GNAI2: variants seen among roughly 807,000 people sequenced by gnomAD.
GNAI2 encodes guanine nucleotide-binding protein G(i) subunit alpha-2.
In GNAI2, 4 loss-of-function variants were observed where a neutral mutation model predicts 36.8. That is an observed-to-expected ratio of 0.11 (90% CI 0.05 to 0.25). GNAI2 has a LOEUF of 0.25. Ranked by LOEUF, GNAI2 falls within the 10% of genes least tolerant of loss-of-function variation. The pLI is 1.00. For missense variants in GNAI2, 230 were observed against 481.3 expected, an observed-to-expected ratio of 0.48 and a Z score of 4.89; for synonymous variants, 194 against 194.1, an observed-to-expected ratio of 1.00 and a Z score of 0.01.
At position 50,241,395 on chromosome 3, in the gene GNAI2, G is replaced by T. The variant is rs1296144262; in HGVS notation, c.118+4942G>T. Reference sequence around the variant, plus strand: ...GGATAGAGCTCCCACACTAAGGAGTGAACAGGGGTCCAAGCTATAGCTGAC... The same window carrying T: ...GGATAGAGCTCCCACACTAAGGAGTTAACAGGGGTCCAAGCTATAGCTGAC... On this transcript the variant is annotated intron_variant, in intron 1 of 8. Transcript: ENST00000313601. This position sits in a 1 kb window ranked among gnomAD's most constrained non-coding sequence, Gnocchi z 5.0. Among the ~76,000 whole-genome samples, 1 of 152,208 alleles carries T rather than the reference G, an allele frequency of 6.6e-6. No individual in the cohort carries two copies. Among genetic ancestry groups the T allele is most frequent in the Non-Finnish European group, 1.5e-5 (1 of 68,028 alleles).
Position 50,252,292 on chromosome 3 carries a change from C to A in GNAI2, c.162-105C>A. On this transcript the variant is annotated intron_variant, in intron 2 of 8. Coordinates refer to ENST00000313601, the MANE Select transcript of GNAI2 (RefSeq NM_002070.4). The surrounding 1 kb of genome is among the most constrained non-coding windows in gnomAD (Gnocchi z 4.1). Reference sequence around the variant, plus strand: ...GAAGGACCCTCAGGTCCCAGTGGGTCAGGGGCAGTTTTCCCTTCTCTGAAG... The same window carrying A: ...GAAGGACCCTCAGGTCCCAGTGGGTAAGGGGCAGTTTTCCCTTCTCTGAAG... 1 of 1,422,478 alleles carries A rather than the reference C, an allele frequency of 7.0e-7. No homozygotes were observed. Among genetic ancestry groups the A allele is most frequent in the Non-Finnish European group, 9.9e-7 (1 of 1,013,924 alleles). 88.1% of individuals were successfully genotyped at this position (1,422,478 alleles called of 1,614,324 possible). A position where few individuals can be genotyped will look rare whatever the true frequency, so the allele number is the denominator to read the frequency against.
Position 50,242,915 on chromosome 3 carries a change from G to A in GNAI2, c.118+6462G>A, listed in dbSNP as rs988123005. 3.9e-5 allele frequency among the ~76,000 whole-genome samples: 6 copies of A among 152,336 alleles called. No homozygotes were observed. Among genetic ancestry groups the A allele is most frequent in the Admixed American group, 2.6e-4 (4 of 15,296 alleles). The stretch of plus-strand genomic sequence containing the variant: ...GGCAGCACCTACTGTGTGTGCCCCC[G>A]GCGGGAGGAGGAGGTAATGAAGTCT... On this transcript the variant is annotated intron_variant, in intron 1 of 8. Coordinates refer to ENST00000313601, the MANE Select transcript of GNAI2 (RefSeq NM_002070.4). The surrounding 1 kb of genome is among the most constrained non-coding windows in gnomAD (Gnocchi z 4.8).
At chr3:50,232,672 C>T (rs1042305129), upstream of GNAI2, among the ~76,000 whole-genome samples, 1 of 152,120 alleles carries the variant, frequency 6.6e-6, no homozygotes, top group Non-Finnish European at 1.5e-5. Flanking sequence ...AGAAAGTTTC[C>T]GAGCAAGGGG....
intron 1 of GNAI2, among the ~76,000 whole-genome samples, chr3:50,240,455 C>T (rs1700274927): frequency 6.6e-6 from 1 of 152,190 alleles, no homozygotes; most frequent in Non-Finnish European, 1.5e-5. Context: ...ATGGGGTCAT[C>T]CAGACCTGAG....
rs1341293364 is a variant in GNAI2 at position 50,258,839 on chromosome 3, C to G, written c.*496C>G. 2.3e-6 allele frequency: 1 copy of G among 426,684 alleles called. No individual in the cohort carries two copies. Among genetic ancestry groups the G allele is most frequent in the African/African-American group, 2.1e-5 (1 of 47,664 alleles). 26.4% of individuals were successfully genotyped at this position (426,684 alleles called of 1,614,324 possible). A position where few individuals can be genotyped will look rare whatever the true frequency, so the allele number is the denominator to read the frequency against. On this transcript the variant is annotated 3_prime_UTR_variant, in exon 9 of 9. Coordinates refer to ENST00000313601, the MANE Select transcript of GNAI2 (RefSeq NM_002070.4). Reference sequence around the variant, plus strand: ...ACAAGAAGCGTGAGACGCCACCATTCCTGGAAACCACAGTCCACCTGCTCA... The same window carrying G: ...ACAAGAAGCGTGAGACGCCACCATTGCTGGAAACCACAGTCCACCTGCTCA...
Position 50,252,367 on chromosome 3 carries a change from A to G in GNAI2, c.162-30A>G. 6.2e-7 allele frequency: 1 copy of G among 1,611,008 alleles called. No individual in the cohort carries two copies. Among genetic ancestry groups the G allele is most frequent in the South Asian group, 1.1e-5 (1 of 91,040 alleles). On this transcript the variant is annotated intron_variant, in intron 2 of 8. Transcript: ENST00000313601. The surrounding 1 kb of genome is among the most constrained non-coding windows in gnomAD (Gnocchi z 4.1). ...CGTGGGAACTCCCAGTGCCCAGGGG[A>G]CACTAACCTTCCTGGTCCCTGGCTA... is the stretch of plus-strand genomic sequence containing the variant.
upstream of GNAI2, among the ~76,000 whole-genome samples, chr3:50,232,809 C>A (rs1700092104): frequency 6.7e-6 from 1 of 149,926 alleles, no homozygotes; most frequent in South Asian, 2.1e-4. Flanking sequence ...AGAACAAATA[C>A]AGATTGGAGG....
chr3:50,231,019 G>C, intron 1 of GNAI2: 1 of 945,084 alleles, frequency 1.1e-6, no homozygotes, highest in Non-Finnish European at 1.3e-6. Context: ...TCAGCTCTCA[G>C]CCTTAATTTT....
intron 1 of GNAI2, among the ~76,000 whole-genome samples, chr3:50,239,208 G>A (rs1553700739): frequency 6.6e-6 from 1 of 152,208 alleles, no homozygotes; most frequent in Non-Finnish European, 1.5e-5. Context: ...ATGGGCCTGT[G>A]TGGACAGCTT....
chr3:50,253,124 A>C lies in GNAI2; in HGVS notation c.404A>C (p.His135Pro). ...SGVIRRLWAD[H>P]GVQACFGRSR... is the part of the protein sequence containing the mutation. Reference sequence around the variant, plus strand: ...GTCATCCGGAGGCTCTGGGCTGACCATGGTGTGCAGGCCTGCTTTGGCCGC... The same window carrying C: ...GTCATCCGGAGGCTCTGGGCTGACCCTGGTGTGCAGGCCTGCTTTGGCCGC... Residue 135 changes from histidine (H) to proline (P), a missense_variant, in exon 4 of 9, where the codon CAT (histidine) becomes CCT (proline). Transcript: ENST00000313601. This position sits in a 1 kb window ranked among gnomAD's most constrained non-coding sequence, Gnocchi z 4.2. 2 of 1,613,020 alleles carry C rather than the reference A, an allele frequency of 1.2e-6. No individual in the cohort carries two copies. Among genetic ancestry groups the C allele is most frequent in the Non-Finnish European group, 1.7e-6 (2 of 1,179,560 alleles).
chr3:50,256,034 C>A (rs1388526043), intron 4 of GNAI2, among the ~76,000 whole-genome samples, 158 bp from the exon 5 acceptor site: 2 of 115,726 alleles, frequency 1.7e-5, no homozygotes, highest in African/African-American at 6.7e-5. Flanking sequence ...AACAGAGTAA[C>A]ACTCTGTCTC....
chr3:50,257,420 C>A, intron 7 of GNAI2, 80 bp from the exon 8 acceptor site: 1 of 956,468 alleles, frequency 1.0e-6, no homozygotes, highest in Non-Finnish European at 1.6e-6. Context: ...GCCGTCCACA[C>A]GCACAGACCC....
At chr3:50,243,184 G>A (rs1347432385) in intron 1 of GNAI2, among the ~76,000 whole-genome samples, 1 of 152,258 alleles carries the variant, frequency 6.6e-6, no homozygotes, top group Non-Finnish European at 1.5e-5. Flanking sequence ...GGCGGTCACT[G>A]AGTTGGAGCC....
Position 50,241,235 on chromosome 3 carries a change from C to G in GNAI2, c.118+4782C>G, listed in dbSNP as rs960190861. Among the ~76,000 whole-genome samples, 1 of 152,216 alleles carries G rather than the reference C, an allele frequency of 6.6e-6. No individual in the cohort carries two copies. Among genetic ancestry groups the G allele is most frequent in the African/African-American group, 2.4e-5 (1 of 41,442 alleles). The stretch of plus-strand genomic sequence containing the variant: ...CCCAGGCTGGCCTCCAGCCCCTACA[C>G]TCTACCCCAGCCCTCTCCTTCACTG... On this transcript the variant is annotated intron_variant, in intron 1 of 8. Coordinates refer to ENST00000313601, the MANE Select transcript of GNAI2 (RefSeq NM_002070.4). The surrounding 1 kb of genome is among the most constrained non-coding windows in gnomAD (Gnocchi z 5.0).
chr3:50,257,567 A>C lies in GNAI2; in HGVS notation c.945A>C (p.Lys315Asn). The change falls in exon 8 of 9, where the codon AAA becomes AAC. Residue 315 changes from lysine (K) to asparagine (N), a missense_variant. Around this residue, in one of 4 missense-constraint regions of GNAI2, gnomAD observed 51 missense variants for 56.7 expected, o/e 0.90. Transcript: ENST00000313601. Reference sequence around the variant, plus strand: ...AGTTTGAGGACCTGAATAAGCGCAAAGACACCAAGGAGATCTACACGCACT... The same window carrying C: ...AGTTTGAGGACCTGAATAAGCGCAACGACACCAAGGAGATCTACACGCACT... ...QSKFEDLNKR[K>N]DTKEIYTHFT... The C allele has an allele frequency of 7.1e-7, 1 of 1,405,892 alleles. No homozygotes were observed. Among genetic ancestry groups the C allele is most frequent in the East Asian group, 2.7e-5 (1 of 36,808 alleles). The allele number at this position is 1,405,892 out of a possible 1,614,324, so 87.1% of individuals were successfully genotyped here.
Position 50,252,890 on chromosome 3 carries a change from A to C in GNAI2, c.304-134A>C. 1.4e-6 allele frequency: 1 copy of C among 710,250 alleles called. No homozygotes were observed. The highest frequency in any genetic ancestry group is 2.3e-6 in the Non-Finnish European group (1 of 427,098). The allele number at this position is 710,250 out of a possible 1,614,324, so 44.0% of individuals were successfully genotyped here. ...GAAAAAAGTAAACAACAACAACAAAAAGGTTTTAGGGCAAGTCTCATCCTA... is the reference window on the plus strand; with the variant it reads ...GAAAAAAGTAAACAACAACAACAAACAGGTTTTAGGGCAAGTCTCATCCTA... On this transcript the variant is annotated intron_variant, in intron 3 of 8. Coordinates refer to ENST00000313601, the MANE Select transcript of GNAI2 (RefSeq NM_002070.4). This position sits in a 1 kb window ranked among gnomAD's most constrained non-coding sequence, Gnocchi z 4.1.
upstream of GNAI2, among the ~76,000 whole-genome samples, chr3:50,231,722 C>G (rs1553699810): frequency 6.6e-6 from 1 of 152,158 alleles, no homozygotes; most frequent in East Asian, 1.9e-4. Flanking sequence ...AGAAGCCCAG[C>G]TCACAGCCAG....
rs1172959889 is a variant in GNAI2, at chr3:50,236,897, C to T, written c.118+444C>T. Among the ~76,000 whole-genome samples the T allele has an allele frequency of 6.6e-6, 1 of 152,174 alleles. No homozygotes were observed. Among genetic ancestry groups the T allele is most frequent in the Non-Finnish European group, 1.5e-5 (1 of 68,030 alleles). ...CATGAGCATCCCGCGGGGCCCCTGC[C>T]AGGCCCCCCACCCACTCCCTCCTTC... On this transcript the variant is annotated intron_variant, in intron 1 of 8. Coordinates refer to ENST00000313601, the MANE Select transcript of GNAI2 (RefSeq NM_002070.4). The surrounding 1 kb of genome is among the most constrained non-coding windows in gnomAD (Gnocchi z 4.0).
At chr3:50,237,275 G>A (rs1700196035) in intron 1 of GNAI2, among the ~76,000 whole-genome samples, 1 of 152,214 alleles carries the variant, frequency 6.6e-6, no homozygotes, top group African/African-American at 2.4e-5. Flanking sequence ...TGGTCACGCT[G>A]GGGGAGGGGG....
Sources: allele counts gnomAD v4.1 joint callset (sites outside exome capture counted in the v4.1 genomes callset), GRCh38; gene constraint gnomAD v4.1.1; regional missense constraint gnomAD v4.1.1; non-coding constraint Gnocchi (gnomAD v3.1); transcripts MANE v1.5; gene names NCBI Gene and HGNC (gene_info 2026-07-23, HGNC 2026-07-21).